EPB41L2: variants seen among roughly 807,000 people sequenced by gnomAD.
The protein encoded by EPB41L2 is band 4.1-like protein 2.
In EPB41L2, 43 loss-of-function variants were observed where a neutral mutation model predicts 113.0. The observed-to-expected ratio is 0.38, with a 90% CI of 0.30 to 0.49. The LOEUF is 0.49. Ranked by LOEUF, EPB41L2 falls within the 20% of genes least tolerant of loss-of-function variation. The pLI, the probability that EPB41L2 is intolerant of heterozygous loss-of-function variation, is 0.95. For missense variants in EPB41L2, 1,147 were observed against 1,223.4 expected (o/e 0.94, Z 0.93); for synonymous variants, 442 against 436.7 (o/e 1.01, Z -0.15).
intron 1 of EPB41L2, among the ~76,000 whole-genome samples, chr6:130,969,333 C>G (rs947554691): frequency 2.6e-5 from 4 of 152,176 alleles, no homozygotes; most frequent in African/African-American, 4.8e-5. Context: ...AAAAAGGAAT[C>G]GCAGAGGTCA....
intron 1 of EPB41L2, chr6:130,970,281 A>G (rs1460706918): frequency 6.6e-6 from 1 of 152,174 alleles, no homozygotes; most frequent in African/African-American, 2.4e-5. Context: ...TGAAATACAT[A>G]CGCAGCTTTT....
intron 1 of EPB41L2, among the ~76,000 whole-genome samples, chr6:131,019,780 A>G (rs934527852): frequency 6.6e-6 from 1 of 152,088 alleles, no homozygotes; most frequent in Non-Finnish European, 1.5e-5. Flanking sequence ...TTACTGGGGC[A>G]TTACATATAT....
chr6:130,886,019 A>C (rs1562391705), intron 11 of EPB41L2, among the ~76,000 whole-genome samples: 1 of 152,188 alleles, frequency 6.6e-6, no homozygotes, highest in Non-Finnish European at 1.5e-5. Flanking sequence ...AACATCAGCA[A>C]GGCAAAGTGA....
Position 130,863,699 on chromosome 6 carries a change from G to T in EPB41L2, c.2849C>A (p.Ser950Tyr), listed in dbSNP as rs770228567. 1 of 1,613,324 alleles carries T rather than the reference G, an allele frequency of 6.2e-7. No homozygotes were observed. The highest frequency in any genetic ancestry group is 1.1e-5 in the South Asian group (1 of 91,054). ...AATGCGTTTCTCAATTCTTGTTTCAGAAATTCCACCTTTTACAGTCTAAAG... is the reference window on the plus strand; with the variant it reads ...AATGCGTTTCTCAATTCTTGTTTCATAAATTCCACCTTTTACAGTCTAAAG... ...HITKTVKGGI[S>Y]ETRIEKRIVI... The change falls in exon 18 of 20, where the codon TCT becomes TAT. Residue 950 changes from serine (S) to tyrosine (Y), a missense_variant. Physicochemically the swap from Ser to Tyr is moderately radical, Grantham distance 144. Transcript: ENST00000337057.
chr6:130,947,796 C>G (rs1241151707), intron 3 of EPB41L2, among the ~76,000 whole-genome samples: 1 of 152,210 alleles, frequency 6.6e-6, no homozygotes, highest in East Asian at 1.9e-4. Context: ...TGATACTAAG[C>G]AAGCAACGGG....
intron 1 of EPB41L2, among the ~76,000 whole-genome samples, chr6:130,989,239 C>G (rs1256109120): frequency 6.6e-6 from 1 of 152,166 alleles, no homozygotes; most frequent in African/African-American, 2.4e-5. Flanking sequence ...GGTACACACA[C>G]CTAATACATA....
intron 3 of EPB41L2, among the ~76,000 whole-genome samples, chr6:130,928,681 C>A (rs574008809): frequency 6.6e-6 from 1 of 152,338 alleles, no homozygotes; most frequent in South Asian, 2.1e-4. Flanking sequence ...AACATCCACA[C>A]AGCTCACCAC....
At position 130,898,978 on chromosome 6, in the gene EPB41L2, G is replaced by A. The variant is rs564156389; in HGVS notation, c.1236+513C>T. Among the ~76,000 whole-genome samples the A allele has an allele frequency of 1.1e-4, 16 of 152,188 alleles. No individual in the cohort carries two copies. In the South Asian group the frequency reaches 3.3e-3, roughly 32 times the overall value. On this transcript the variant is annotated intron_variant, in intron 8 of 19. Transcript: ENST00000337057. ...GAAGGTGCTTTATCACCCAGAGCCT[G>A]GGCCCACCTACGTTATCTTTCACAA... is the stretch of plus-strand genomic sequence containing the variant.
intron 3 of EPB41L2, among the ~76,000 whole-genome samples, chr6:130,934,860 C>T (rs1808241754): frequency 6.9e-6 from 1 of 144,790 alleles, no homozygotes; most frequent in African/African-American, 2.6e-5. Flanking sequence ...ATCAGGAAAA[C>T]TTTGTATATA....
At chr6:131,031,375 T>TA (rs1562769105) in intron 1 of EPB41L2, among the ~76,000 whole-genome samples, 2 of 151,944 alleles carry the variant, frequency 1.3e-5, no homozygotes, top group African/African-American at 4.8e-5. Flanking sequence ...AAACAGCTGA[T>TA]AGAGTACCAA....
chr6:130,906,968 A>G (rs1403919214), intron 5 of EPB41L2, among the ~76,000 whole-genome samples: 1 of 152,228 alleles, frequency 6.6e-6, no homozygotes, highest in Non-Finnish European at 1.5e-5. Flanking sequence ...GTTCTGAAAT[A>G]ACTTTTTGAA....
At position 130,885,149 on chromosome 6, in the gene EPB41L2, T is replaced by A. The variant is rs1790521374; in HGVS notation, c.1780A>T (p.Arg594Trp). 1 of 1,614,154 alleles carries A rather than the reference T, an allele frequency of 6.2e-7. No individual in the cohort carries two copies. Among genetic ancestry groups the A allele is most frequent in the Non-Finnish European group, 8.5e-7 (1 of 1,180,008 alleles). Residue 594 changes from arginine to tryptophan, a missense_variant, in exon 12 of 20, where the codon AGG becomes TGG. Arg to Trp is a moderately radical substitution (Grantham distance 101, BLOSUM62 -3). Transcript: ENST00000337057. ...IAVVQDGDGR[R>W]EVRSPTKAPH... ...GCTTTAGTTGGGCTTCTCACTTCCC[T>A]CCTGCCGTCCCCATCTTGTACCACG...
intron 1 of EPB41L2, among the ~76,000 whole-genome samples, chr6:131,016,188 T>A (rs1220496695): frequency 6.6e-6 from 1 of 152,198 alleles, no homozygotes; most frequent in African/African-American, 2.4e-5. Flanking sequence ...AACAACGTGA[T>A]TTTTTTCCAT....
intron 11 of EPB41L2, among the ~76,000 whole-genome samples, chr6:130,888,433 T>C (rs1288905891): frequency 3.3e-5 from 5 of 152,226 alleles, no homozygotes; most frequent in Non-Finnish European, 7.3e-5. Context: ...AGACCTCCTG[T>C]AACCCTCTGC....
chr6:130,932,022 C>T (rs983491283), intron 3 of EPB41L2, among the ~76,000 whole-genome samples: 7 of 152,162 alleles, frequency 4.6e-5, no homozygotes, highest in African/African-American at 1.7e-4. Context: ...TTAAAGTGAT[C>T]AATAAAATGT....
chr6:131,050,061 G>A (rs573298216), intron 1 of EPB41L2, among the ~76,000 whole-genome samples: 3 of 152,230 alleles, frequency 2.0e-5, no homozygotes, highest in South Asian at 2.1e-4. Flanking sequence ...AATGGGGACC[G>A]GGTGCGGTGG....
At chr6:130,864,778 T>C (rs970896109) in intron 17 of EPB41L2, among the ~76,000 whole-genome samples, 9 of 152,012 alleles carry the variant, frequency 5.9e-5, no homozygotes, top group Non-Finnish European at 8.8e-5. Flanking sequence ...CAAATTACTT[T>C]TGCTGTTTTT....
At chr6:130,934,131 C>G (rs547691116) in intron 3 of EPB41L2, among the ~76,000 whole-genome samples, 293 of 152,192 alleles carry the variant, frequency 1.9e-3, no homozygotes, top group African/African-American at 6.5e-3. Flanking sequence ...TAAAACCATA[C>G]GGAAGAAGAG....
chr6:131,002,567 G>T (rs143979664), intron 1 of EPB41L2, among the ~76,000 whole-genome samples: 1 of 152,268 alleles, frequency 6.6e-6, no homozygotes, highest in African/African-American at 2.4e-5. Context: ...AAAATGAAGT[G>T]AATACATTCC....
Sources: gnomAD v4.1 joint callset for allele counts (sites outside exome capture counted in the v4.1 genomes callset) on GRCh38, gnomAD v4.1.1 for gene constraint, MANE v1.5 for transcripts, NCBI Gene and HGNC (gene_info 2026-07-23, HGNC 2026-07-21) for gene names.